HS3ST5: variants seen among roughly 807,000 people sequenced by gnomAD.
HS3ST5 encodes heparan sulfate-glucosamine 3-sulfotransferase 5.
HS3ST5 carries 10 observed loss-of-function variants against 25.4 expected under a neutral mutation model. That is an observed-to-expected ratio of 0.39 (90% CI 0.24 to 0.67). HS3ST5 has a LOEUF of 0.67. Among genes scored for constraint, HS3ST5 ranks in the 30% least tolerant of loss-of-function variants. HS3ST5 has a pLI of 0.44. For synonymous variants in HS3ST5, 170 were observed against 162.4 expected, an observed-to-expected ratio of 1.05 and a Z score of -0.36; for missense variants, 324 against 420.7, an observed-to-expected ratio of 0.77 and a Z score of 2.01.
chr6:114,068,102 C>A (rs1215811358), intron 3 of HS3ST5, among the ~76,000 whole-genome samples: 1 of 152,076 alleles, frequency 6.6e-6, no homozygotes, highest in East Asian at 1.9e-4. Context: ...TTTTCATAAA[C>A]AGTATACGGA....
intron 2 of HS3ST5, among the ~76,000 whole-genome samples, chr6:114,175,974 T>C (rs1779705355): frequency 6.6e-6 from 1 of 152,200 alleles, no homozygotes; most frequent in South Asian, 2.1e-4. Context: ...ATTTCACTAG[T>C]AACACCCACA....
At chr6:114,261,813 A>G (rs981851152) in intron 1 of HS3ST5, among the ~76,000 whole-genome samples, 2 of 152,200 alleles carry the variant, frequency 1.3e-5, no homozygotes, top group Non-Finnish European at 2.9e-5. Context: ...CCATGTTAAA[A>G]ATCTGCAGGA....
In HS3ST5 at chr6:114,057,910, C is replaced by T. The variant is rs749604522; in HGVS notation, c.388G>A (p.Glu130Lys). The T allele has an allele frequency of 1.2e-6, 2 of 1,614,174 alleles. No homozygotes were observed. Among genetic ancestry groups the T allele is most frequent in the South Asian group, 1.1e-5 (1 of 91,084 alleles). ...SQEIHFFDND[E>K]NYGKGIEWYR... ...CACTCAATGCCCTTACCATAATTCT[C>T]ATCATTATCAAAAAAGTGGATTTCT... Residue 130 changes from glutamate to lysine, a missense_variant, in exon 5 of 5, where the codon GAG becomes AAG. Around this residue, in one of 2 missense-constraint regions of HS3ST5, gnomAD observed 203 missense variants for 303.4 expected, o/e 0.67. Coordinates refer to ENST00000312719, the MANE Select transcript of HS3ST5 (RefSeq NM_153612.4).
intron 2 of HS3ST5, among the ~76,000 whole-genome samples, chr6:114,213,229 C>A (rs1364942241): frequency 1.3e-5 from 2 of 151,662 alleles, no homozygotes; most frequent in East Asian, 3.9e-4. Context: ...TTTCTGACAT[C>A]CGGCTGCTTC....
chr6:114,176,481 A>G (rs1779729550), intron 2 of HS3ST5, among the ~76,000 whole-genome samples: 1 of 152,200 alleles, frequency 6.6e-6, no homozygotes, highest in Non-Finnish European at 1.5e-5. Context: ...TATAGTTTTT[A>G]TTTTTATCTC....
At chr6:114,269,919 T>A (rs960002608) in intron 1 of HS3ST5, among the ~76,000 whole-genome samples, 6 of 152,196 alleles carry the variant, frequency 3.9e-5, no homozygotes, top group African/African-American at 1.4e-4. Flanking sequence ...TATCCAGTAA[T>A]CAGTCACTTT....
intron 2 of HS3ST5, among the ~76,000 whole-genome samples, chr6:114,208,159 T>G (rs1397775089): frequency 6.6e-6 from 1 of 152,212 alleles, no homozygotes; most frequent in Non-Finnish European, 1.5e-5. Context: ...ATTGAGACAC[T>G]GATAATGCTT....
rs1439320159 is a variant in HS3ST5 at position 114,342,923 on chromosome 6, G to C, written c.-1067C>G. On this transcript the variant is annotated 5_prime_UTR_variant, in exon 1 of 5. Transcript: ENST00000312719. ...GAGCCGGCAGCTGCCTCCCGGAGAC[G>C]TGCCCAGCTGTGTGCGCGTGTGTGT... The C allele has an allele frequency of 6.6e-6, 1 of 152,342 alleles. No individual in the cohort carries two copies. The highest frequency in any genetic ancestry group is 1.5e-5 in the Non-Finnish European group (1 of 68,170). The allele number at this position is 152,342 out of a possible 1,614,324, so 9.4% of individuals were successfully genotyped here.
At chr6:114,335,676 G>GA (rs1448696323) in intron 1 of HS3ST5, among the ~76,000 whole-genome samples, 1 of 146,372 alleles carries the variant, frequency 6.8e-6, no homozygotes, top group East Asian at 2.0e-4. Context: ...TTTTAAATTA[G>GA]ACGGAATCTC....
chr6:114,073,008 A>C (rs1773912020), intron 3 of HS3ST5, among the ~76,000 whole-genome samples: 1 of 152,220 alleles, frequency 6.6e-6, no homozygotes, highest in African/African-American at 2.4e-5. Context: ...CAACCATCTG[A>C]TCTTTGACAA....
chr6:114,152,974 T>G (rs138504441), intron 3 of HS3ST5, among the ~76,000 whole-genome samples: 23 of 152,328 alleles, frequency 1.5e-4, no homozygotes, highest in African/African-American at 5.1e-4. Flanking sequence ...TTTGGGCTAG[T>G]CCTAGTCTTT....
At chr6:114,335,281 A>G (rs1776561854) in intron 1 of HS3ST5, among the ~76,000 whole-genome samples, 1 of 151,592 alleles carries the variant, frequency 6.6e-6, no homozygotes, top group South Asian at 2.1e-4. Context: ...CATAGTAAAT[A>G]TCAACTACCA....
intron 3 of HS3ST5, chr6:114,084,492 G>T (rs1774663177): frequency 1.3e-6 from 1 of 758,342 alleles, no homozygotes; most frequent in African/African-American, 1.7e-5. Context: ...CACGGGAAAT[G>T]GTGCCACGCA....
intron 4 of HS3ST5, among the ~76,000 whole-genome samples, chr6:114,061,644 T>C (rs575772525): frequency 1.9e-4 from 29 of 152,306 alleles, no homozygotes; most frequent in African/African-American, 6.5e-4. Flanking sequence ...GTCTTTCCAG[T>C]GCAAGAATTA....
intron 1 of HS3ST5, among the ~76,000 whole-genome samples, chr6:114,238,101 G>A (rs1484830998): frequency 6.6e-6 from 1 of 152,204 alleles, no homozygotes; most frequent in Non-Finnish European, 1.5e-5. Context: ...CAGAAATGTT[G>A]AGACTTAGTC....
chr6:114,081,958 T>C (rs1220387987), intron 3 of HS3ST5, among the ~76,000 whole-genome samples: 1 of 152,118 alleles, frequency 6.6e-6, no homozygotes, highest in East Asian at 1.9e-4. Context: ...TAACTTTACA[T>C]TTACGTTTTC....
Position 114,336,624 on chromosome 6 carries a change from ATAAT to A in HS3ST5, c.-339+5567_-339+5570del, listed in dbSNP as rs1232729815. Among the ~76,000 whole-genome samples the A allele has an allele frequency of 2.6e-5, 4 of 152,058 alleles. No individual in the cohort carries two copies. The East Asian group carries it at 5.8e-4, about 22-fold the overall frequency. On this transcript the variant is annotated intron_variant, in intron 1 of 4. Coordinates refer to ENST00000312719, the MANE Select transcript of HS3ST5 (RefSeq NM_153612.4). ...TCCAACTCAAATAATAATAATAATA[ATAAT>A]TAATTAATTAAATTACTAAGAACTA...
At chr6:114,127,565 T>C (rs1777103106) in intron 3 of HS3ST5, among the ~76,000 whole-genome samples, 1 of 152,122 alleles carries the variant, frequency 6.6e-6, no homozygotes, top group Non-Finnish European at 1.5e-5. Context: ...AGCATTCATA[T>C]GGCTAGCAGA....
In HS3ST5 at chr6:114,169,473, A is replaced by G. The variant is rs910020075; in HGVS notation, c.-144-1011T>C. The stretch of plus-strand genomic sequence containing the variant: ...GTCAACTCTTCACCTCACAACCCCA[A>G]TATTGCCCACATCGTTCTAGAGAAA... On this transcript the variant is annotated intron_variant, in intron 2 of 4. Coordinates refer to ENST00000312719, the MANE Select transcript of HS3ST5 (RefSeq NM_153612.4). Among the ~76,000 whole-genome samples, 4 of 152,150 alleles carry G rather than the reference A, an allele frequency of 2.6e-5. No homozygotes were observed. The South Asian group carries it at 6.2e-4, about 24-fold the overall frequency.
Sources: allele counts gnomAD v4.1 joint callset (sites outside exome capture counted in the v4.1 genomes callset), GRCh38; gene constraint gnomAD v4.1.1; regional missense constraint gnomAD v4.1.1; transcripts MANE v1.5; gene names NCBI Gene and HGNC (gene_info 2026-07-23, HGNC 2026-07-21).